NRG1: variants seen among roughly 807,000 people sequenced by gnomAD.
The protein encoded by NRG1 is pro-neuregulin-1, membrane-bound isoform.
In NRG1, 18 loss-of-function variants were observed where a neutral mutation model predicts 63.8. The ratio of observed to expected loss-of-function variants is 0.28; its 90% CI spans 0.19 to 0.42. The LOEUF (loss-of-function observed/expected upper bound fraction) is 0.42. Among genes scored for constraint, NRG1 ranks in the 10% least tolerant of loss-of-function variants. NRG1 has a pLI of 1.00. For missense variants in NRG1, 762 were observed against 814.7 expected (o/e 0.94, Z 0.79); for synonymous variants, 302 against 301.3 (o/e 1.00, Z -0.02).
At chr8:31,928,878 T>A (rs1260976708) in intron 1 of NRG1, among the ~76,000 whole-genome samples, 1 of 152,068 alleles carries the variant, frequency 6.6e-6, no homozygotes, top group East Asian at 1.9e-4. Flanking sequence ...GCGGGGAGGC[T>A]GGGAGTGAGG....
chr8:32,330,549 T>C (rs1802522975), intron 1 of NRG1, among the ~76,000 whole-genome samples: 1 of 152,200 alleles, frequency 6.6e-6, no homozygotes, highest in African/African-American at 2.4e-5. Flanking sequence ...GCTCTAGAGC[T>C]GGGATGGCCC....
chr8:32,034,144 G>A (rs1425343687), intron 1 of NRG1, among the ~76,000 whole-genome samples: 1 of 152,112 alleles, frequency 6.6e-6, no homozygotes, highest in Admixed American at 6.5e-5. Context: ...AGTTTATTGA[G>A]AGTTTTTAAC....
At chr8:31,730,615 T>G (rs1372222724) in intron 1 of NRG1, among the ~76,000 whole-genome samples, 1 of 152,068 alleles carries the variant, frequency 6.6e-6, no homozygotes, top group East Asian at 1.9e-4. Context: ...ATGCAAAACA[T>G]AGAAGGATTA....
chr8:32,490,026 C>T (rs1563536076), intron 1 of NRG1, among the ~76,000 whole-genome samples: 1 of 152,166 alleles, frequency 6.6e-6, no homozygotes, highest in Non-Finnish European at 1.5e-5. Context: ...TAAATTCTTG[C>T]AGCTGGATGT....
chr8:32,245,118 G>T (rs531501214), intron 1 of NRG1, among the ~76,000 whole-genome samples: 21 of 152,264 alleles, frequency 1.4e-4, no homozygotes, highest in African/African-American at 5.1e-4. Context: ...GCAGGGAAAA[G>T]TCTGGCCTGC....
chr8:31,881,313 A>T (rs1830328619), intron 1 of NRG1, among the ~76,000 whole-genome samples: 1 of 152,108 alleles, frequency 6.6e-6, no homozygotes, highest in Admixed American at 6.6e-5. Flanking sequence ...GTGGTCTTTG[A>T]TGTTAATATT....
chr8:31,861,447 A>G (rs759481467), intron 1 of NRG1, among the ~76,000 whole-genome samples: 1 of 152,074 alleles, frequency 6.6e-6, no homozygotes, highest in Admixed American at 6.6e-5. Context: ...TTTCCCCTAG[A>G]TGGAACTTAA....
At chr8:31,846,261 G>A (rs569403372) in intron 1 of NRG1, among the ~76,000 whole-genome samples, 1 of 152,330 alleles carries the variant, frequency 6.6e-6, no homozygotes, top group African/African-American at 2.4e-5. Flanking sequence ...CGATGAGGAT[G>A]CTGTTTGGAT....
intron 1 of NRG1, among the ~76,000 whole-genome samples, chr8:32,505,556 C>G (rs997548238): frequency 1.3e-5 from 2 of 152,122 alleles, no homozygotes; most frequent in Admixed American, 6.5e-5. Flanking sequence ...AGAGTTGTCC[C>G]CAGAGAGGGT....
chr8:31,679,314 A>G (rs1169209872), intron 1 of NRG1, among the ~76,000 whole-genome samples: 1 of 152,092 alleles, frequency 6.6e-6, no homozygotes, highest in African/African-American at 2.4e-5. Context: ...GTTGATCAAT[A>G]TGTAAGATAC....
chr8:32,168,532 AT>A (rs1839647103), intron 1 of NRG1, among the ~76,000 whole-genome samples: 1 of 152,214 alleles, frequency 6.6e-6, no homozygotes, highest in Admixed American at 6.5e-5. Flanking sequence ...TGCTGGTTGA[AT>A]TTAGTGCCCT....
chr8:32,377,537 T>C (rs1809784610), intron 1 of NRG1, among the ~76,000 whole-genome samples: 1 of 152,152 alleles, frequency 6.6e-6, no homozygotes, highest in East Asian at 1.9e-4. Flanking sequence ...CAAAAACACA[T>C]CATCAATTAG....
chr8:32,334,191 C>A (rs1802980061), intron 1 of NRG1, among the ~76,000 whole-genome samples: 1 of 152,112 alleles, frequency 6.6e-6, no homozygotes, highest in African/African-American at 2.4e-5. Context: ...TTTTTCACTG[C>A]AGTCTTTTTA....
chr8:31,862,553 A>T (rs1047279270), intron 1 of NRG1, among the ~76,000 whole-genome samples: 1 of 152,200 alleles, frequency 6.6e-6, no homozygotes, highest in Non-Finnish European at 1.5e-5. Flanking sequence ...CAACTAAATG[A>T]TATACTTAAC....
chr8:32,407,296 ATATATATATATATATATATATAT>A (rs1279538448), intron 1 of NRG1, among the ~76,000 whole-genome samples: 1,534 of 6,234 alleles, frequency 0.25, 35 homozygotes, highest in Middle Eastern at 0.5. Context: ...TATATATATT[ATATATATATATATATATATATAT>A]TATATATATA....
At chr8:32,123,014 A>T (rs1324325076) in intron 1 of NRG1, among the ~76,000 whole-genome samples, 2 of 151,946 alleles carry the variant, frequency 1.3e-5, no homozygotes, top group African/African-American at 4.8e-5. Flanking sequence ...GAACTTTTTT[A>T]AGAGTTATTT....
intron 1 of NRG1, among the ~76,000 whole-genome samples, chr8:32,134,274 A>G (rs572706699): frequency 9.9e-5 from 15 of 152,238 alleles, no homozygotes; most frequent in Admixed American, 7.9e-4. Context: ...TTTTAAGTAT[A>G]ATTGCTTATT....
intron 1 of NRG1, among the ~76,000 whole-genome samples, chr8:31,780,860 T>G (rs1442213910): frequency 6.6e-6 from 1 of 152,166 alleles, no homozygotes; most frequent in Non-Finnish European, 1.5e-5. Context: ...TTGAATAAGG[T>G]CTTTTTGCCT....
intron 1 of NRG1, among the ~76,000 whole-genome samples, chr8:31,710,453 C>T (rs750915361): frequency 2.2e-4 from 33 of 151,970 alleles, no homozygotes; most frequent in Non-Finnish European, 4.1e-4. Context: ...ACTCTATTCT[C>T]ATAGCTTGAG....
Sources: allele counts gnomAD v4.1 joint callset (sites outside exome capture counted in the v4.1 genomes callset), GRCh38; gene constraint gnomAD v4.1.1; transcripts MANE v1.5; gene names NCBI Gene and HGNC (gene_info 2026-07-23, HGNC 2026-07-21).